The following CTNNA3 variants were observed in gnomAD, a reference collection of about 807,000 sequenced individuals.
CTNNA3 encodes the protein catenin alpha-3.
In CTNNA3, 76 loss-of-function variants were observed where a neutral mutation model predicts 95.7. The ratio of observed to expected loss-of-function variants is 0.79; its 90% CI spans 0.66 to 0.96. The LOEUF is 0.96. Among genes scored for constraint, CTNNA3 ranks in the 40% least tolerant of loss-of-function variants. The pLI, the probability that CTNNA3 is intolerant of heterozygous loss-of-function variation, is 0.00. For synonymous variants in CTNNA3, 431 were observed against 374.4 expected (o/e 1.15, Z -1.74); for missense variants, 1,191 against 1,089.8 (o/e 1.09, Z -1.31).
chr10:66,728,885 G>T (rs543094167), intron 9 of CTNNA3, among the ~76,000 whole-genome samples: 2 of 152,176 alleles, frequency 1.3e-5, no homozygotes, highest in Admixed American at 1.3e-4. Flanking sequence ...ATGGCATCCA[G>T]CCTTATTTAA....
chr10:65,929,356 C>A (rs1316709908), intron 17 of CTNNA3, among the ~76,000 whole-genome samples: 1 of 152,202 alleles, frequency 6.6e-6, no homozygotes, highest in Non-Finnish European at 1.5e-5. Flanking sequence ...TTATAGTCGA[C>A]AACCTGTGTT....
chr10:67,601,381 C>T (rs1843078462), intron 3 of CTNNA3, among the ~76,000 whole-genome samples: 1 of 152,104 alleles, frequency 6.6e-6, no homozygotes. Context: ...CCTTCACATG[C>T]GCTGTTCACA....
chr10:67,180,323 C>T lies in CTNNA3; in HGVS notation c.1041G>A (p.Met347Ile), dbSNP rs1448657696. The T allele has an allele frequency of 6.2e-7, 1 of 1,613,236 alleles. No individual in the cohort carries two copies. Among genetic ancestry groups the T allele is most frequent in the South Asian group, 1.1e-5 (1 of 91,068 alleles). The stretch of plus-strand genomic sequence containing the variant: ...AGGCAAACCAGTCACCTACGTTGTT[C>T]ATGTACTCTGAAAGCAGATCCTGAA... ...QALQDLLSEY[M>I]NNAGKKERSN... Residue 347 changes from methionine to isoleucine, a missense_variant, in exon 7 of 18, where the codon ATG becomes ATA. By Grantham distance (10) the Met-to-Ile change is conservative (BLOSUM62 1). Coordinates refer to ENST00000433211, the MANE Select transcript of CTNNA3 (RefSeq NM_013266.4).
At position 65,912,961 on chromosome 10, in the gene CTNNA3, T is replaced by C. The variant is rs1361078271; in HGVS notation, c.*7369A>G. On this transcript the variant is annotated 3_prime_UTR_variant, in exon 18 of 18. Transcript: ENST00000433211. Reference sequence around the variant, plus strand: ...ATATAATGGGCAGTTCATTCAATCATATTCTGTCTCTGCAGAGCAGGGTGA... The same window carrying C: ...ATATAATGGGCAGTTCATTCAATCACATTCTGTCTCTGCAGAGCAGGGTGA... The C allele has an allele frequency of 2.0e-5, 3 of 152,138 alleles. No individual in the cohort carries two copies. The highest frequency in any genetic ancestry group is 4.4e-5 in the Non-Finnish European group (3 of 68,030). 9.4% of individuals were successfully genotyped at this position (152,138 alleles called of 1,614,324 possible). A position where few individuals can be genotyped will look rare whatever the true frequency, so the allele number is the denominator to read the frequency against.
chr10:66,791,420 A>G (rs1564685836), intron 7 of CTNNA3, among the ~76,000 whole-genome samples: 1 of 152,112 alleles, frequency 6.6e-6, no homozygotes, highest in Non-Finnish European at 1.5e-5. Context: ...TGATCCCTCA[A>G]TTTGGAATTA....
chr10:66,387,156 G>A (rs545225733), intron 11 of CTNNA3, among the ~76,000 whole-genome samples: 1 of 152,178 alleles, frequency 6.6e-6, no homozygotes, highest in African/African-American at 2.4e-5. Context: ...GGCGTGAACA[G>A]GCAACCTACA....
chr10:66,360,696 C>CCTTCCTTCCT (rs1412848907), intron 12 of CTNNA3, among the ~76,000 whole-genome samples: 2 of 78,440 alleles, frequency 2.5e-5, no homozygotes, highest in African/African-American at 7.9e-5. Context: ...CCTTCCTTTT[C>CCTTCCTTCCT]TTTCTTTCTT....
At chr10:65,963,080 A>T (rs1161284722) in intron 17 of CTNNA3, among the ~76,000 whole-genome samples, 1 of 152,164 alleles carries the variant, frequency 6.6e-6, no homozygotes, top group Non-Finnish European at 1.5e-5. Flanking sequence ...TTATCTTTCT[A>T]ATCTATCACT....
chr10:67,283,601 T>C (rs1310137464), intron 5 of CTNNA3, among the ~76,000 whole-genome samples: 1 of 152,190 alleles, frequency 6.6e-6, no homozygotes, highest in Non-Finnish European at 1.5e-5. Flanking sequence ...AGCATGCTAA[T>C]GAAATGTATA....
At chr10:67,763,352 C>A (rs1453520479) in intron 1 of CTNNA3, among the ~76,000 whole-genome samples, 1 of 151,980 alleles carries the variant, frequency 6.6e-6, no homozygotes, top group East Asian at 1.9e-4. Flanking sequence ...TGCTCTCTTC[C>A]ACAATTAAAT....
intron 11 of CTNNA3, among the ~76,000 whole-genome samples, chr10:66,507,831 T>C (rs1840505744): frequency 1.3e-5 from 2 of 152,154 alleles, no homozygotes; most frequent in Non-Finnish European, 2.9e-5. Flanking sequence ...GATATCTCTT[T>C]GCTATGCTGA....
chr10:67,380,558 A>C (rs548424612), intron 5 of CTNNA3, among the ~76,000 whole-genome samples: 8 of 152,326 alleles, frequency 5.3e-5, no homozygotes, highest in African/African-American at 1.9e-4. Flanking sequence ...CTTATGAAAG[A>C]CTAAAGGATC....
chr10:67,736,879 T>G (rs931173906), intron 1 of CTNNA3, among the ~76,000 whole-genome samples: 6 of 152,162 alleles, frequency 3.9e-5, no homozygotes, highest in African/African-American at 1.4e-4. Flanking sequence ...ACACAGGACA[T>G]CCTACAGAAA....
intron 5 of CTNNA3, among the ~76,000 whole-genome samples, chr10:67,362,473 GCAAAT>G (rs1010792175): frequency 6.6e-6 from 1 of 151,996 alleles, no homozygotes; most frequent in African/African-American, 2.4e-5. Context: ...TTCAATATAT[GCAAAT>G]CAATAAATGT....
At chr10:67,368,278 T>C (rs1213994656) in intron 5 of CTNNA3, among the ~76,000 whole-genome samples, 1 of 152,122 alleles carries the variant, frequency 6.6e-6, no homozygotes, top group African/African-American at 2.4e-5. Flanking sequence ...CATTAGTTAT[T>C]AAGGAAATAG....
chr10:65,971,066 G>A (rs536300941), intron 16 of CTNNA3, among the ~76,000 whole-genome samples: 116 of 149,476 alleles, frequency 7.8e-4, no homozygotes, highest in Middle Eastern at 6.9e-3. Flanking sequence ...TTTACTTTTG[G>A]GTAAACAATG....
intron 7 of CTNNA3, among the ~76,000 whole-genome samples, chr10:67,060,248 G>T (rs576870785): frequency 6.6e-6 from 1 of 152,240 alleles, no homozygotes; most frequent in Non-Finnish European, 1.5e-5. Flanking sequence ...GGCCTGGGAG[G>T]TAGAGGCTGC....
chr10:67,245,158 G>T (rs1235818194), intron 5 of CTNNA3, among the ~76,000 whole-genome samples: 2 of 151,992 alleles, frequency 1.3e-5, no homozygotes, highest in Non-Finnish European at 2.9e-5. Context: ...TATCCAAGAA[G>T]CCAGGCACAT....
intron 2 of CTNNA3, among the ~76,000 whole-genome samples, chr10:67,613,178 G>C (rs1417075775): frequency 6.6e-6 from 1 of 152,016 alleles, no homozygotes; most frequent in African/African-American, 2.4e-5. Flanking sequence ...CCTCAACCTG[G>C]GGTGACTCCC....
Sources: gnomAD v4.1 joint callset for allele counts (sites outside exome capture counted in the v4.1 genomes callset) on GRCh38, gnomAD v4.1.1 for gene constraint, MANE v1.5 for transcripts, NCBI Gene and HGNC (gene_info 2026-07-23, HGNC 2026-07-21) for gene names.